EPB41L1: variants seen among roughly 807,000 people sequenced by gnomAD.
EPB41L1 encodes the protein band 4.1-like protein 1.
EPB41L1 carries 29 observed loss-of-function variants against 97.8 expected under a neutral mutation model. That is an observed-to-expected ratio of 0.30 (90% CI 0.22 to 0.40). EPB41L1 has a LOEUF of 0.40. Among genes scored for constraint, EPB41L1 ranks in the 10% least tolerant of loss-of-function variants. The pLI, the probability that EPB41L1 is intolerant of heterozygous loss-of-function variation, is 1.00. For synonymous variants in EPB41L1, 383 were observed against 459.2 expected, an observed-to-expected ratio of 0.83 and a Z score of 2.12; for missense variants, 812 against 1,162.3, an observed-to-expected ratio of 0.70 and a Z score of 4.38.
intron 1 of EPB41L1, among the ~76,000 whole-genome samples, chr20:36,168,002 G>A (rs891953015): frequency 3.9e-5 from 6 of 152,144 alleles, no homozygotes; most frequent in East Asian, 1.9e-4. Flanking sequence ...TGTATAAACC[G>A]GACACCAGTT....
chr20:36,131,604 C>G (rs2059212302), intron 2 of EPB41L1, among the ~76,000 whole-genome samples: 1 of 152,128 alleles, frequency 6.6e-6, no homozygotes, highest in African/African-American at 2.4e-5. Context: ...AAGTGAACAT[C>G]ATGACAGGGA....
intron 2 of EPB41L1, among the ~76,000 whole-genome samples, chr20:36,174,572 C>CA (rs2061143761): frequency 7.1e-6 from 1 of 141,268 alleles, no homozygotes; most frequent in African/African-American, 2.6e-5. Flanking sequence ...CATGCCTGGC[C>CA]TTTTTTTTTT....
At chr20:36,155,553 A>T in intron 1 of EPB41L1, 1 of 455,216 alleles carries the variant, frequency 2.2e-6, no homozygotes, top group South Asian at 1.6e-5. Context: ...GGTCTCAGGG[A>T]TGGGCATGGG....
intron 2 of EPB41L1, among the ~76,000 whole-genome samples, chr20:36,130,787 TTCTCTC>T (rs35428172): frequency 9.9e-4 from 142 of 143,750 alleles, no homozygotes; most frequent in East Asian, 2.8e-3. Flanking sequence ...TTTTAAAAAT[TTCTCTC>T]TCTCTCTCTC....
intron 2 of EPB41L1, among the ~76,000 whole-genome samples, chr20:36,131,774 AG>A (rs926981764): frequency 1.3e-5 from 2 of 152,184 alleles, no homozygotes; most frequent in African/African-American, 4.8e-5. Flanking sequence ...GGCCAGAATC[AG>A]GCTTCCTGCC....
intron 2 of EPB41L1, among the ~76,000 whole-genome samples, chr20:36,130,817 T>TC (rs1326089586): frequency 8.5e-5 from 12 of 140,514 alleles, no homozygotes; most frequent in East Asian, 4.0e-4. Flanking sequence ...CTCTCTCTCT[T>TC]TTTTTCCCCG....
At position 36,209,989 on chromosome 20, in the gene EPB41L1, C is replaced by A. The variant is rs536736236; in HGVS notation, c.2079+91C>A. On this transcript the variant is annotated intron_variant, in intron 15 of 21. Coordinates refer to ENST00000338074, the MANE Select transcript of EPB41L1 (RefSeq NM_012156.2). The surrounding 1 kb of genome is among the most constrained non-coding windows in gnomAD (Gnocchi z 4.2). ...CCCGTGAGAAGACCGAGCACCCAGC[C>A]TGCAGCCTGAAGCTCTGTCTCGTGT... The A allele has an allele frequency of 6.7e-6, 10 of 1,482,272 alleles. No homozygotes were observed. The highest frequency in any genetic ancestry group is 9.2e-6 in the Non-Finnish European group (10 of 1,087,604). 91.8% of individuals were successfully genotyped at this position (1,482,272 alleles called of 1,614,324 possible). A position where few individuals can be genotyped will look rare whatever the true frequency, so the allele number is the denominator to read the frequency against.
chr20:36,204,341 A>C (rs1360411696), intron 14 of EPB41L1, among the ~76,000 whole-genome samples: 1 of 152,090 alleles, frequency 6.6e-6, no homozygotes, highest in East Asian at 1.9e-4. Flanking sequence ...CCACAAGATG[A>C]AAAACCCAGT....
intron 1 of EPB41L1, among the ~76,000 whole-genome samples, chr20:36,106,002 C>T (rs1462507270): frequency 6.6e-6 from 1 of 152,162 alleles, no homozygotes; most frequent in East Asian, 1.9e-4. Flanking sequence ...TAAGGTGACC[C>T]TGGGAGGTGA....
At chr20:36,217,070 T>A (rs922269306) in intron 17 of EPB41L1, among the ~76,000 whole-genome samples, 6 of 152,208 alleles carry the variant, frequency 3.9e-5, no homozygotes, top group African/African-American at 1.4e-4. Flanking sequence ...CTCCAGCTGA[T>A]GCCTCTGAAG....
At chr20:36,165,128 C>T (rs369614409) in intron 1 of EPB41L1, among the ~76,000 whole-genome samples, 150 of 152,126 alleles carry the variant, frequency 9.9e-4, no homozygotes, top group African/African-American at 3.5e-3. Context: ...ATTACAGGCA[C>T]GCACCACCAC....
At chr20:36,228,262 GTTAAA>G (rs1248334871) in intron 21 of EPB41L1, among the ~76,000 whole-genome samples, 1 of 152,218 alleles carries the variant, frequency 6.6e-6, no homozygotes, top group Non-Finnish European at 1.5e-5. Flanking sequence ...GTAGTGTGTG[GTTAAA>G]TTAACAACAG....
chr20:36,125,411 A>G (rs6121156), intron 2 of EPB41L1: 12,951 of 727,442 alleles, frequency 0.018, 456 homozygotes, highest in East Asian at 0.12. Context: ...CTGTTTCTTC[A>G]TCTGTAAACA....
chr20:36,135,098 A>G (rs2059368612), intron 2 of EPB41L1, among the ~76,000 whole-genome samples: 1 of 151,924 alleles, frequency 6.6e-6, no homozygotes, highest in African/African-American at 2.4e-5. Context: ...CCTGGCCTCA[A>G]GTGACCCGAC....
At chr20:36,166,868 A>C (rs1256159277) in intron 1 of EPB41L1, among the ~76,000 whole-genome samples, 1 of 152,164 alleles carries the variant, frequency 6.6e-6, no homozygotes, top group Non-Finnish European at 1.5e-5. Flanking sequence ...GTCTCCAAAA[A>C]AAAAGAAAGA....
chr20:36,127,806 C>G (rs1442640930), intron 2 of EPB41L1, among the ~76,000 whole-genome samples: 4 of 152,142 alleles, frequency 2.6e-5, no homozygotes, highest in Admixed American at 2.6e-4. Flanking sequence ...CCTCTGACTG[C>G]ATTCTCTCTC....
intron 1 of EPB41L1, among the ~76,000 whole-genome samples, chr20:36,157,744 AG>A (rs1429221589): frequency 6.6e-6 from 1 of 152,210 alleles, no homozygotes; most frequent in Non-Finnish European, 1.5e-5. Flanking sequence ...CTTCCTGGCC[AG>A]GGTCCCCCAG....
intron 2 of EPB41L1, among the ~76,000 whole-genome samples, chr20:36,125,865 G>A (rs1032775651): frequency 2.7e-4 from 41 of 152,030 alleles, no homozygotes; most frequent in African/African-American, 9.7e-4. Context: ...GAGAAGTGAT[G>A]GGCTTCATCT....
intron 1 of EPB41L1, among the ~76,000 whole-genome samples, chr20:36,156,023 C>T (rs73902986): frequency 0.032 from 4,806 of 152,216 alleles, 129 homozygotes; most frequent in South Asian, 0.15. Context: ...CCTCCTGTCC[C>T]GGGCAAGGGT....
Sources: gnomAD v4.1 joint callset for allele counts (sites outside exome capture counted in the v4.1 genomes callset) on GRCh38, gnomAD v4.1.1 for gene constraint, Gnocchi (gnomAD v3.1) non-coding constraint, MANE v1.5 for transcripts, NCBI Gene and HGNC (gene_info 2026-07-23, HGNC 2026-07-21) for gene names.